The following RABGAP1L variants were observed in gnomAD, a reference collection of about 807,000 sequenced individuals.
RABGAP1L encodes the protein rab GTPase-activating protein 1-like.
Under a neutral mutation model 137.7 loss-of-function variants are expected in RABGAP1L, and 63 were observed. The ratio of observed to expected loss-of-function variants is 0.46; its 90% CI spans 0.37 to 0.56. RABGAP1L has a LOEUF of 0.56. Among genes scored for constraint, RABGAP1L ranks in the 20% least tolerant of loss-of-function variants. The probability of loss-of-function intolerance (pLI) is 0.00; values close to 1 mark genes in which losing one functional copy is unlikely to be tolerated. For synonymous variants in RABGAP1L, 431 were observed against 433.7 expected (o/e 0.99, Z 0.08); for missense variants, 1,095 against 1,244.0 (o/e 0.88, Z 1.80).
intron 19 of RABGAP1L, among the ~76,000 whole-genome samples, chr1:174,878,925 GTTTTTT>G (rs869251284): frequency 4.7e-5 from 4 of 85,146 alleles, no homozygotes; most frequent in African/African-American, 1.1e-4. Flanking sequence ...TTTGTGCATT[GTTTTTT>G]TTTTTTTTTT....
chr1:174,302,990 G>T (rs1677862874), intron 10 of RABGAP1L, among the ~76,000 whole-genome samples: 2 of 151,462 alleles, frequency 1.3e-5, no homozygotes, highest in Admixed American at 6.6e-5. Flanking sequence ...AATTAACAAG[G>T]TTGTGGAGTA....
intron 20 of RABGAP1L, chr1:174,957,796 T>C: frequency 8.5e-7 from 1 of 1,173,610 alleles, no homozygotes; most frequent in Non-Finnish European, 1.3e-6. Context: ...CTTCCTTGAT[T>C]GATTTAGATG....
chr1:174,503,455 A>T (rs1303473194), intron 13 of RABGAP1L, among the ~76,000 whole-genome samples: 1 of 152,050 alleles, frequency 6.6e-6, no homozygotes, highest in African/African-American at 2.4e-5. Flanking sequence ...AGGTGAGGAG[A>T]TCAAGACCAT....
intron 1 of RABGAP1L, among the ~76,000 whole-genome samples, chr1:174,165,158 TTTTG>T (rs964159614): frequency 6.6e-5 from 10 of 152,164 alleles, no homozygotes; most frequent in Admixed American, 1.3e-4. Context: ...TTACTTTTAT[TTTTG>T]TTTGTTTGTT....
At chr1:174,609,118 G>A (rs1294777764) in intron 13 of RABGAP1L, among the ~76,000 whole-genome samples, 1 of 152,108 alleles carries the variant, frequency 6.6e-6, no homozygotes, top group Non-Finnish European at 1.5e-5. Context: ...TCTTGTATAT[G>A]TAATTTGTTA....
chr1:174,579,479 G>A (rs1019673295), intron 13 of RABGAP1L, among the ~76,000 whole-genome samples: 10 of 152,112 alleles, frequency 6.6e-5, no homozygotes, highest in Admixed American at 1.3e-4. Flanking sequence ...TTGTACGTCC[G>A]CATCCACTGA....
intron 14 of RABGAP1L, among the ~76,000 whole-genome samples, chr1:174,647,576 A>G (rs1675078965): frequency 2.0e-5 from 3 of 152,000 alleles, no homozygotes; most frequent in African/African-American, 7.3e-5. Context: ...CTTGGTGGAT[A>G]AGCTTTTTCA....
At chr1:174,941,675 C>A (rs1665895085) in intron 19 of RABGAP1L, among the ~76,000 whole-genome samples, 1 of 135,136 alleles carries the variant, frequency 7.4e-6, no homozygotes, top group Non-Finnish European at 1.5e-5. Context: ...CTCCTCCTCC[C>A]CCACCAAAAC....
At chr1:174,971,011 A>G (rs906258090) in intron 21 of RABGAP1L, among the ~76,000 whole-genome samples, 1 of 151,762 alleles carries the variant, frequency 6.6e-6, no homozygotes, top group Non-Finnish European at 1.5e-5. Flanking sequence ...GGGTCATCCT[A>G]TAGGGAAGGG....
chr1:174,682,747 G>A (rs909522107), intron 14 of RABGAP1L, among the ~76,000 whole-genome samples: 1 of 152,182 alleles, frequency 6.6e-6, no homozygotes, highest in Non-Finnish European at 1.5e-5. Context: ...AAGAGGGAAT[G>A]TTAAGTTGAA....
chr1:174,878,925 G>GTTTTTTTTTTT (rs869251284), intron 19 of RABGAP1L, among the ~76,000 whole-genome samples: 5 of 85,148 alleles, frequency 5.9e-5, no homozygotes, highest in East Asian at 3.1e-4. Context: ...TTTGTGCATT[G>GTTTTTTTTTTT]TTTTTTTTTT....
At chr1:174,475,588 A>T (rs1035757390) in intron 13 of RABGAP1L, among the ~76,000 whole-genome samples, 5 of 152,008 alleles carry the variant, frequency 3.3e-5, no homozygotes, top group African/African-American at 1.2e-4. Context: ...ATTTGAAAGG[A>T]TGCCAAGCAA....
At chr1:174,486,595 C>T (rs889627427) in intron 13 of RABGAP1L, among the ~76,000 whole-genome samples, 1 of 152,048 alleles carries the variant, frequency 6.6e-6, no homozygotes, top group Non-Finnish European at 1.5e-5. Flanking sequence ...ATCTGCCCGC[C>T]TCGGCCTCCC....
At chr1:174,857,821 T>G (rs1649573296) in intron 19 of RABGAP1L, among the ~76,000 whole-genome samples, 1 of 152,182 alleles carries the variant, frequency 6.6e-6, no homozygotes, top group Non-Finnish European at 1.5e-5. Flanking sequence ...GCAAGAACCT[T>G]CTCAAAATAA....
intron 18 of RABGAP1L, among the ~76,000 whole-genome samples, chr1:174,772,218 A>C (rs541758585): frequency 2.0e-5 from 3 of 151,066 alleles, no homozygotes; most frequent in South Asian, 4.2e-4. Context: ...AAAACAAAAC[A>C]AAAAAAAATA....
At chr1:174,900,501 G>T (rs1657964685) in intron 19 of RABGAP1L, among the ~76,000 whole-genome samples, 1 of 152,200 alleles carries the variant, frequency 6.6e-6, no homozygotes, top group Non-Finnish European at 1.5e-5. Flanking sequence ...TGTAAATGTT[G>T]TGGAGAGGAT....
intron 13 of RABGAP1L, among the ~76,000 whole-genome samples, chr1:174,587,041 T>C (rs1669169085): frequency 6.6e-6 from 1 of 151,766 alleles, no homozygotes; most frequent in African/African-American, 2.4e-5. Context: ...GAATGATGGT[T>C]TCCAATTTCA....
chr1:174,402,177 T>G (rs147283634), intron 13 of RABGAP1L, among the ~76,000 whole-genome samples: 6 of 152,140 alleles, frequency 3.9e-5, no homozygotes, highest in Non-Finnish European at 8.8e-5. Context: ...TTCTGTAATA[T>G]GATTCCCATT....
intron 19 of RABGAP1L, among the ~76,000 whole-genome samples, chr1:174,833,402 ATG>A (rs1209603840): frequency 6.6e-5 from 3 of 45,450 alleles, no homozygotes; most frequent in Admixed American, 3.0e-4. Context: ...GTGTGTGTGT[ATG>A]TGTGTATGTG....
Sources: allele counts gnomAD v4.1 joint callset (sites outside exome capture counted in the v4.1 genomes callset), GRCh38; gene constraint gnomAD v4.1.1; transcripts MANE v1.5; gene names NCBI Gene and HGNC (gene_info 2026-07-23, HGNC 2026-07-21).